PHACTR2: variants seen among roughly 807,000 people sequenced by gnomAD.
PHACTR2 encodes phosphatase and actin regulator 2, also known as chromosome 6 open reading frame 56.
A neutral mutation model predicts 76.0 loss-of-function variants in PHACTR2; 30 were observed. The observed-to-expected ratio is 0.39, with a 90% CI of 0.30 to 0.54. The LOEUF (loss-of-function observed/expected upper bound fraction) is 0.54, where lower values mean the gene tolerates loss of function less well. PHACTR2 is among the 20% of genes least tolerant of loss of function. The pLI, the probability that PHACTR2 is intolerant of heterozygous loss-of-function variation, is 0.61. For synonymous variants in PHACTR2, 292 were observed against 292.5 expected, an observed-to-expected ratio of 1.00 and a Z score of 0.02; for missense variants, 696 against 781.1, an observed-to-expected ratio of 0.89 and a Z score of 1.30.
intron 2 of PHACTR2, among the ~76,000 whole-genome samples, chr6:143,745,307 A>T (rs1177174350): frequency 3.3e-5 from 5 of 152,210 alleles, no homozygotes; most frequent in African/African-American, 1.2e-4. Context: ...CCGGAGCTAC[A>T]GAGAGCTTGG....
At chr6:143,687,823 C>T (rs1777556762) in intron 1 of PHACTR2, among the ~76,000 whole-genome samples, 4 of 152,108 alleles carry the variant, frequency 2.6e-5, no homozygotes, top group African/African-American at 9.7e-5. Flanking sequence ...ATGTGCTTGG[C>T]AGGTATAGTC....
At chr6:143,636,607 A>G (rs1273374934) in intron 1 of PHACTR2, among the ~76,000 whole-genome samples, 1 of 152,246 alleles carries the variant, frequency 6.6e-6, no homozygotes, top group Non-Finnish European at 1.5e-5. Context: ...AAGATAAATT[A>G]TTACTTTCAC....
intron 1 of PHACTR2, among the ~76,000 whole-genome samples, chr6:143,645,135 C>T (rs1394122035): frequency 6.6e-6 from 1 of 152,124 alleles, no homozygotes; most frequent in African/African-American, 2.4e-5. Flanking sequence ...GATCCAGCAA[C>T]CCACTACTGG....
rs891111816 is a variant in PHACTR2, at chr6:143,621,307, C to G, written c.13+12985C>G. ...TCTTCAATTTGGTGTGAATTGACAA[C>G]AAAGAAAACTCAGGAGGGCGCGAAT... On this transcript the variant is annotated intron_variant, in intron 1 of 11. Transcript: ENST00000305766. The surrounding 1 kb of genome is among the most constrained non-coding windows in gnomAD (Gnocchi z 4.1). Among the ~76,000 whole-genome samples the G allele has an allele frequency of 2.0e-4, 31 of 152,132 alleles. No homozygotes were observed. The highest frequency in any genetic ancestry group is 7.5e-4 in the African/African-American group (31 of 41,442).
chr6:143,817,961 G>A (rs1018915948), intron 12 of PHACTR2, among the ~76,000 whole-genome samples: 1 of 152,090 alleles, frequency 6.6e-6, no homozygotes, highest in African/African-American at 2.4e-5. Flanking sequence ...ATAATTTATT[G>A]CATATGTTCA....
chr6:143,556,581 G>A lies in PHACTR2; in HGVS notation c.217+19374G>A, dbSNP rs1164069498. The stretch of plus-strand genomic sequence containing the variant: ...GTTGACTAGCTCCTCTGCAGTGACA[G>A]CATTCAAAAAATCAATCTAAACGCA... On this transcript the variant is annotated intron_variant, in intron 1 of 11. Transcript: ENST00000367584. This position sits in a 1 kb window ranked among gnomAD's most constrained non-coding sequence, Gnocchi z 4.3. Among the ~76,000 whole-genome samples, 2 of 152,226 alleles carry A rather than the reference G, an allele frequency of 1.3e-5. No individual in the cohort carries two copies. The highest frequency in any genetic ancestry group is 2.9e-5 in the Non-Finnish European group (2 of 68,048).
rs949829546 is a variant in PHACTR2 at position 143,537,394 on chromosome 6, G to C, written c.217+187G>C. Among the ~76,000 whole-genome samples the C allele has an allele frequency of 1.3e-5, 2 of 152,086 alleles. No homozygotes were observed. Among genetic ancestry groups the C allele is most frequent in the Non-Finnish European group, 2.9e-5 (2 of 67,996 alleles). Reference sequence around the variant, plus strand: ...GCCGCCTCCTCGGCCGCCCGGGCTCGGCGACCCTAGGCGGAAGATGCTAAA... The same window carrying C: ...GCCGCCTCCTCGGCCGCCCGGGCTCCGCGACCCTAGGCGGAAGATGCTAAA... On this transcript the variant is annotated intron_variant, in intron 1 of 11. Transcript: ENST00000367584. The surrounding 1 kb of genome is among the most constrained non-coding windows in gnomAD (Gnocchi z 4.4).
Position 143,608,236 on chromosome 6 carries a change from G to A in PHACTR2, c.-74G>A. 6.0e-6 allele frequency: 9 copies of A among 1,505,006 alleles called. No individual in the cohort carries two copies. Among genetic ancestry groups the A allele is most frequent in the Non-Finnish European group, 8.3e-6 (9 of 1,082,068 alleles). 93.2% of individuals were successfully genotyped at this position (1,505,006 alleles called of 1,614,324 possible). ...GGGCTGATAATCAGCAGAAGGACAGGGTGCTTCGTTAGTCAGAAGAGCCAG... is the reference window on the plus strand; with the variant it reads ...GGGCTGATAATCAGCAGAAGGACAGAGTGCTTCGTTAGTCAGAAGAGCCAG... On this transcript the variant is annotated 5_prime_UTR_variant, in exon 1 of 12. Coordinates refer to the PHACTR2 transcript ENST00000305766. The surrounding 1 kb of genome is among the most constrained non-coding windows in gnomAD (Gnocchi z 4.6).
rs78770398 is a variant in PHACTR2, at chr6:143,568,845, G to C, written c.217+31638G>C. ...GAGGGGAATTATCCACGCAAGTATG[G>C]TATTATTTACTTTCCTCTTATTATT... is the stretch of plus-strand genomic sequence containing the variant. On this transcript the variant is annotated intron_variant, in intron 1 of 11. Coordinates refer to the PHACTR2 transcript ENST00000367584. Among the ~76,000 whole-genome samples, 1,199 of 152,266 alleles carry C rather than the reference G, an allele frequency of 7.9e-3. 20 individuals are homozygous for C. Among genetic ancestry groups the C allele is most frequent in the African/African-American group, 0.027 (1,140 of 41,540 alleles).
chr6:143,614,259 C>T lies in PHACTR2; in HGVS notation c.13+5937C>T, dbSNP rs537495172. Among the ~76,000 whole-genome samples the T allele has an allele frequency of 6.4e-4, 97 of 152,190 alleles. 1 individual carries two copies. In the Middle Eastern group the frequency reaches 0.01, roughly 16 times the overall value. ...TGCTGATAGAATTGGCATATAATTT[C>T]CTGTGGGTGCTAATATTTGTTGTGA... On this transcript the variant is annotated intron_variant, in intron 1 of 11. Coordinates refer to the PHACTR2 transcript ENST00000305766.
At position 143,760,426 on chromosome 6, in the gene PHACTR2, A is replaced by G; in HGVS notation, c.480A>G (p.Thr160=). The change falls in exon 5 of 13, where the codon ACA becomes ACG. Residue 160 remains threonine, a synonymous_variant. Coordinates refer to ENST00000440869, the MANE Select transcript of PHACTR2 (RefSeq NM_001100164.2). This position sits in a 1 kb window ranked among gnomAD's most constrained non-coding sequence, Gnocchi z 6.4. ...AGAACACTGAAAACCACTCTGAAAC[A>G]CCGGCAGCTCCTGCTCTACCTCCTT... The part of the protein sequence containing the change: ...KKENTENHSE[T]PAAPALPPSA... The G allele has an allele frequency of 1.9e-6, 3 of 1,612,788 alleles. No individual in the cohort carries two copies. Among genetic ancestry groups the G allele is most frequent in the Non-Finnish European group, 2.5e-6 (3 of 1,179,290 alleles).
chr6:143,821,613 G>A lies in PHACTR2; in HGVS notation c.1923-2061G>A, dbSNP rs1655629644. Among the ~76,000 whole-genome samples the A allele has an allele frequency of 6.6e-6, 1 of 152,206 alleles. No homozygotes were observed. The highest frequency in any genetic ancestry group is 2.1e-4 in the South Asian group (1 of 4,832). ...GGGAACACAGGAAAGAGAGCAATTA[G>A]TGCTTCCCTGAGCAGTGGAGAAAAG... On this transcript the variant is annotated intron_variant, in intron 12 of 12. Transcript: ENST00000440869. The surrounding 1 kb of genome is among the most constrained non-coding windows in gnomAD (Gnocchi z 5.2).
intron 12 of PHACTR2, among the ~76,000 whole-genome samples, chr6:143,813,698 TTA>T (rs1410993579): frequency 6.6e-6 from 1 of 152,090 alleles, no homozygotes; most frequent in Non-Finnish European, 1.5e-5. Flanking sequence ...TAGTGCTTTA[TTA>T]TAGAGTGGGG....
At position 143,774,782 on chromosome 6, in the gene PHACTR2, AT is replaced by A. The variant is rs1775235527; in HGVS notation, c.1589+568del. 6.6e-6 allele frequency among the ~76,000 whole-genome samples: 1 copy of A among 152,182 alleles called. No individual in the cohort carries two copies. Among genetic ancestry groups the A allele is most frequent in the South Asian group, 2.1e-4 (1 of 4,836 alleles). ...GTAGCCTTAACCCTCATATCTGAAC[AT>A]CCCTCTTCCAACTTCAAGTAAATGG... is the stretch of plus-strand genomic sequence containing the variant. On this transcript the variant is annotated intron_variant, in intron 8 of 12. Transcript: ENST00000440869. This position sits in a 1 kb window ranked among gnomAD's most constrained non-coding sequence, Gnocchi z 5.4.
Position 143,537,071 on chromosome 6 carries a change from C to A in PHACTR2, c.81C>A (p.Pro27=). 1 of 199,086 alleles carries A rather than the reference C, an allele frequency of 5.0e-6. No individual in the cohort carries two copies. The highest frequency in any genetic ancestry group is 1.4e-4 in the South Asian group (1 of 6,958). The allele number at this position is 199,086 out of a possible 1,614,324, so 12.3% of individuals were successfully genotyped here. Reference sequence around the variant, plus strand: ...CGGCGGCGGTCCCAGTCCCCGAGCCCGAGGCGCCCGCCCCGCCGGCGGCGC... The same window carrying A: ...CGGCGGCGGTCCCAGTCCCCGAGCCAGAGGCGCCCGCCCCGCCGGCGGCGC... Residue 27 remains proline (P), a synonymous_variant, in exon 1 of 12, where the codon CCC becomes CCA. Transcript: ENST00000367584. This position sits in a 1 kb window ranked among gnomAD's most constrained non-coding sequence, Gnocchi z 4.4.
At chr6:143,718,804 G>A (rs900897546) in intron 2 of PHACTR2, among the ~76,000 whole-genome samples, 1 of 151,694 alleles carries the variant, frequency 6.6e-6, no homozygotes, top group Non-Finnish European at 1.5e-5. Flanking sequence ...GATTGCTCTG[G>A]TTGCATTAAT....
At chr6:143,544,946 GT>G (rs150283208) in intron 1 of PHACTR2, among the ~76,000 whole-genome samples, 41,378 of 146,462 alleles carry the variant, frequency 0.28, 6,778 homozygotes, top group Non-Finnish European at 0.39. Context: ...AGAGATTTTT[GT>G]TTTTTTTTTT....
rs377348607 is a variant in PHACTR2 at position 143,830,980 on chromosome 6, C to T, written c.*7291C>T. 1 of 152,160 alleles carries T rather than the reference C, an allele frequency of 6.6e-6. No individual in the cohort carries two copies. The highest frequency in any genetic ancestry group is 1.5e-5 in the Non-Finnish European group (1 of 68,014). 9.4% of individuals were successfully genotyped at this position (152,160 alleles called of 1,614,324 possible). ...CCTCTTTGTATGTAAGGTCTTGAGA[C>T]ATGTAAGGCCTGGTACTTTTTATTT... On this transcript the variant is annotated 3_prime_UTR_variant, in exon 13 of 13. Transcript: ENST00000440869.
chr6:143,550,926 C>A lies in PHACTR2; in HGVS notation c.217+13719C>A, dbSNP rs372052075. Among the ~76,000 whole-genome samples, 18 of 151,980 alleles carry A rather than the reference C, an allele frequency of 1.2e-4. No homozygotes were observed. The South Asian group carries it at 3.7e-3, about 32-fold the overall frequency. On this transcript the variant is annotated intron_variant, in intron 1 of 11. Transcript: ENST00000367584. This position sits in a 1 kb window ranked among gnomAD's most constrained non-coding sequence, Gnocchi z 4.8. ...TGGTGGCATGTGTCTGTAGTCCCAG[C>A]TACTTGGGAACTGAGGCAGGAGGAT...
Sources: allele counts gnomAD v4.1 joint callset (sites outside exome capture counted in the v4.1 genomes callset), GRCh38; gene constraint gnomAD v4.1.1; non-coding constraint Gnocchi (gnomAD v3.1); transcripts MANE v1.5; gene names NCBI Gene and HGNC (gene_info 2026-07-23, HGNC 2026-07-21).